Variants in NPFFR1 observed in about 807,000 individuals in gnomAD.
The protein encoded by NPFFR1 is G-protein coupled receptor 147.
In NPFFR1, 17 loss-of-function variants were observed where a neutral mutation model predicts 12.7. That is an observed-to-expected ratio of 1.34 (90% CI 0.92 to 2.01). The LOEUF is 2.01. Ranked by LOEUF, NPFFR1 falls within the 30% of genes most tolerant of loss-of-function variation. The pLI, the probability that NPFFR1 is intolerant of heterozygous loss-of-function variation, is 0.00. For missense variants in NPFFR1, 604 were observed against 606.5 expected, an observed-to-expected ratio of 1.00 and a Z score of 0.04; for synonymous variants, 296 against 264.5, an observed-to-expected ratio of 1.12 and a Z score of -1.16.
chr10:70,262,582 T>C (rs1840645543), intron 2 of NPFFR1, among the ~76,000 whole-genome samples: 1 of 152,092 alleles, frequency 6.6e-6, no homozygotes, highest in African/African-American at 2.4e-5. Context: ...ATTGAACAAA[T>C]AAGTAAATAT....
chr10:70,260,852 G>T, intron 2 of NPFFR1, 113 bp from the exon 3 acceptor site: 1 of 867,110 alleles, frequency 1.2e-6, no homozygotes, highest in Non-Finnish European at 1.9e-6. Context: ...TCCATGACCT[G>T]CTAGGTGTTA....
intron 1 of NPFFR1, among the ~76,000 whole-genome samples, chr10:70,281,366 C>T: frequency 6.6e-6 from 1 of 152,126 alleles, no homozygotes; most frequent in East Asian, 1.9e-4. Flanking sequence ...CAGGATAGAA[C>T]CCCCCAGTTG....
chr10:70,266,625 TG>T, intron 1 of NPFFR1, among the ~76,000 whole-genome samples: 1 of 152,312 alleles, frequency 6.6e-6, no homozygotes, highest in South Asian at 2.1e-4. Context: ...TCTCCAATGT[TG>T]GTTTTTCTTT....
chr10:70,249,965 C>G lies in NPFFR1; in HGVS notation c.*4992G>C, dbSNP rs1440430598. 1 of 143,150 alleles carries G rather than the reference C, an allele frequency of 7.0e-6. No homozygotes were observed. Among genetic ancestry groups the G allele is most frequent in the Non-Finnish European group, 1.5e-5 (1 of 66,858 alleles). 8.9% of individuals were successfully genotyped at this position (143,150 alleles called of 1,614,324 possible). ...TTGCTCTGTCACCCAGGTTGGAGTGCAGTGGCGCAATTTTGGCTCACTGCA... is the reference window on the plus strand; with the variant it reads ...TTGCTCTGTCACCCAGGTTGGAGTGGAGTGGCGCAATTTTGGCTCACTGCA... On this transcript the variant is annotated 3_prime_UTR_variant, in exon 4 of 4. Coordinates refer to ENST00000277942, the MANE Select transcript of NPFFR1 (RefSeq NM_022146.5).
intron 1 of NPFFR1, among the ~76,000 whole-genome samples, chr10:70,269,814 G>A (rs1035164789): frequency 5.9e-5 from 9 of 152,070 alleles, no homozygotes; most frequent in Non-Finnish European, 1.2e-4. Flanking sequence ...CCTTACCAAG[G>A]CCTCCAAAAC....
In NPFFR1 at chr10:70,255,550, C is replaced by G; in HGVS notation, c.700G>C (p.Val234Leu). The change falls in exon 4 of 4, where the codon GTC becomes CTC. Residue 234 changes from valine (V) to leucine (L), a missense_variant. Val to Leu is a conservative substitution (Grantham distance 32). Coordinates refer to ENST00000277942, the MANE Select transcript of NPFFR1 (RefSeq NM_022146.5). This position sits in a 1 kb window ranked among gnomAD's most constrained non-coding sequence, Gnocchi z 4.2. Reference protein sequence around the residue: ...IYLAPLALIVVMYARIARKLC... With the variant: ...IYLAPLALIVLMYARIARKLC... ...TTGCGCGCGATGCGGGCGTACATGA[C>G]CACGATGAGCGCCAGCGGCGCCAGG... 1 of 1,550,554 alleles carries G rather than the reference C, an allele frequency of 6.4e-7. No homozygotes were observed. Among genetic ancestry groups the G allele is most frequent in the Non-Finnish European group, 8.7e-7 (1 of 1,146,816 alleles).
At chr10:70,258,918 G>A (rs1840604558) in intron 3 of NPFFR1, among the ~76,000 whole-genome samples, 1 of 152,096 alleles carries the variant, frequency 6.6e-6, no homozygotes, top group Non-Finnish European at 1.5e-5. Flanking sequence ...CTGATAGCCT[G>A]ACCTTTTACC....
chr10:70,266,251 A>C lies in NPFFR1; in HGVS notation c.148T>G (p.Tyr50Asp). ...ATGCAGAGCAGGAAGATGAGCGCAT[A>C]GGCCACAATGAACATGGCCGCCACA... The part of the protein sequence containing the change: ...SPVAAMFIVA[Y>D]ALIFLLCMVG... The change falls in exon 2 of 4, where the codon TAT (tyrosine) becomes GAT (aspartate). Residue 50 changes from tyrosine to aspartate, a missense_variant. Coordinates refer to ENST00000277942, the MANE Select transcript of NPFFR1 (RefSeq NM_022146.5). 6.2e-7 allele frequency: 1 copy of C among 1,614,022 alleles called. No individual in the cohort carries two copies. Among genetic ancestry groups the C allele is most frequent in the Non-Finnish European group, 8.5e-7 (1 of 1,179,890 alleles).
chr10:70,255,600 G>T lies in NPFFR1; in HGVS notation c.650C>A (p.Thr217Asn). The T allele has an allele frequency of 6.4e-7, 1 of 1,558,466 alleles. No individual in the cohort carries two copies. The highest frequency in any genetic ancestry group is 8.7e-7 in the Non-Finnish European group (1 of 1,151,424). Residue 217 changes from threonine to asparagine, a missense_variant, in exon 4 of 4, where the codon ACC (threonine) becomes AAC (asparagine). Coordinates refer to ENST00000277942, the MANE Select transcript of NPFFR1 (RefSeq NM_022146.5). The surrounding 1 kb of genome is among the most constrained non-coding windows in gnomAD (Gnocchi z 4.2). ...WPEKGMRRVY[T>N]TVLFSHIYLA... ...GTAGATGTGCGAGAAGAGCACAGTG[G>T]TGTAGACCCTGCGCATGCCCTTCTC... is the stretch of plus-strand genomic sequence containing the variant.
At chr10:70,271,028 G>T (rs10762355) in intron 1 of NPFFR1, among the ~76,000 whole-genome samples, 2 of 152,078 alleles carry the variant, frequency 1.3e-5, no homozygotes, top group Admixed American at 6.5e-5. Context: ...CCTTGGGACT[G>T]GGGCCTAGCT....
At chr10:70,272,431 C>T (rs1840760291) in intron 1 of NPFFR1, among the ~76,000 whole-genome samples, 1 of 152,200 alleles carries the variant, frequency 6.6e-6, no homozygotes, top group Non-Finnish European at 1.5e-5. Flanking sequence ...TGCCAGTGAA[C>T]CCAGGCCTGG....
At chr10:70,277,869 C>G in intron 1 of NPFFR1, 1 of 491,796 alleles carries the variant, frequency 2.0e-6, no homozygotes, top group Admixed American at 2.1e-5. Context: ...AGGGTTACTG[C>G]CCGGCTAACC....
intron 1 of NPFFR1, among the ~76,000 whole-genome samples, chr10:70,266,674 G>A (rs768745087): frequency 3.9e-5 from 6 of 152,058 alleles, no homozygotes; most frequent in Non-Finnish European, 5.9e-5. Context: ...CAACTTTCTT[G>A]GCCCTCCTGT....
rs1287408551 is a variant in NPFFR1, at chr10:70,247,692, G to C, written c.*7265C>G. 1.3e-5 allele frequency: 2 copies of C among 152,210 alleles called. No homozygotes were observed. The highest frequency in any genetic ancestry group is 2.9e-5 in the Non-Finnish European group (2 of 68,032). 9.4% of individuals were successfully genotyped at this position (152,210 alleles called of 1,614,324 possible). The stretch of plus-strand genomic sequence containing the variant: ...TAAACTAATTTGCCCAAATCACTAA[G>C]CTTGGGTTTTTCCACCCACATTAAT... On this transcript the variant is annotated 3_prime_UTR_variant, in exon 4 of 4. Coordinates refer to ENST00000277942, the MANE Select transcript of NPFFR1 (RefSeq NM_022146.5).
rs1414434145 is a variant in NPFFR1, at chr10:70,254,115, CTA to C, written c.*840_*841del. 1 of 152,214 alleles carries C rather than the reference CTA, an allele frequency of 6.6e-6. No homozygotes were observed. The highest frequency in any genetic ancestry group is 1.5e-5 in the Non-Finnish European group (1 of 68,054). 9.4% of individuals were successfully genotyped at this position (152,214 alleles called of 1,614,324 possible). On this transcript the variant is annotated 3_prime_UTR_variant, in exon 4 of 4. Transcript: ENST00000277942. ...TACCGTGCTTCCCCTTCCTCGTTGT[CTA>C]TGAGTACGTAAAAGGACACCTCCTG...
In NPFFR1 at chr10:70,257,836, C is replaced by T. The variant is rs150256894; in HGVS notation, c.423-2009G>A. Reference sequence around the variant, plus strand: ...TGAGACATGTTTGCAGCAGTGCTGCCTTGTTATTCTTTACTCCACTGAGAT... The same window carrying T: ...TGAGACATGTTTGCAGCAGTGCTGCTTTGTTATTCTTTACTCCACTGAGAT... On this transcript the variant is annotated intron_variant, in intron 3 of 3. Transcript: ENST00000277942. Among the ~76,000 whole-genome samples, 1,396 of 152,304 alleles carry T rather than the reference C, an allele frequency of 9.2e-3. 10 individuals carry two copies. The highest frequency in any genetic ancestry group is 0.012 in the Non-Finnish European group (831 of 68,020).
chr10:70,281,674 TACTC>T (rs1424524181), intron 1 of NPFFR1, among the ~76,000 whole-genome samples: 2 of 152,258 alleles, frequency 1.3e-5, no homozygotes, highest in African/African-American at 2.4e-5. Flanking sequence ...TTTTTCTAAT[TACTC>T]ACAGTGGGTA....
In NPFFR1 at chr10:70,254,285, G is replaced by C. The variant is rs1468769526; in HGVS notation, c.*672C>G. On this transcript the variant is annotated 3_prime_UTR_variant, in exon 4 of 4. Transcript: ENST00000277942. ...AGGCAGCCTCCCCAAGGCTCGTTCT[G>C]AAGCTGCCGTCCTCTGAGGACAATG... 1 of 152,248 alleles carries C rather than the reference G, an allele frequency of 6.6e-6. No individual in the cohort carries two copies. Among genetic ancestry groups the C allele is most frequent in the East Asian group, 1.9e-4 (1 of 5,202 alleles). The allele number at this position is 152,248 out of a possible 1,614,324, so 9.4% of individuals were successfully genotyped here.
intron 1 of NPFFR1, among the ~76,000 whole-genome samples, chr10:70,267,397 G>T (rs1840704740): frequency 6.6e-6 from 1 of 151,532 alleles, no homozygotes; most frequent in Non-Finnish European, 1.5e-5. Flanking sequence ...TAAGTCATTA[G>T]GTATTAGCCT....
Sources: allele counts gnomAD v4.1 joint callset (sites outside exome capture counted in the v4.1 genomes callset), GRCh38; gene constraint gnomAD v4.1.1; non-coding constraint Gnocchi (gnomAD v3.1); transcripts MANE v1.5; gene names NCBI Gene and HGNC (gene_info 2026-07-23, HGNC 2026-07-21).